The following NF1 variants were observed in gnomAD, a reference collection of about 807,000 sequenced individuals.
NF1 encodes neurofibromin 1.
NF1 carries 122 observed loss-of-function variants against 325.7 expected under a neutral mutation model. That is an observed-to-expected ratio of 0.37 (90% confidence interval 0.32 to 0.44). NF1 has a LOEUF of 0.44. Ranked by LOEUF, NF1 falls within the 20% of genes least tolerant of loss-of-function variation. The pLI, the probability that NF1 is intolerant of heterozygous loss-of-function variation, is 1.00. For synonymous variants in NF1, 1,091 were observed against 1,186.0 expected (o/e 0.92, Z 1.65); for missense variants, 2,140 against 3,415.4 (o/e 0.63, Z 9.31).
chr17:31,115,734 G>A (rs1353782171), intron 1 of NF1, among the ~76,000 whole-genome samples: 3 of 152,122 alleles, frequency 2.0e-5, no homozygotes, highest in African/African-American at 7.2e-5. Flanking sequence ...AAGTCTTGTT[G>A]AGTAGTATAC....
chr17:31,167,472 T>G (rs980477100), intron 4 of NF1, among the ~76,000 whole-genome samples: 2 of 152,254 alleles, frequency 1.3e-5, no homozygotes, highest in African/African-American at 4.8e-5. Context: ...ATAACTCCTT[T>G]GCAAATTGCA....
intron 14 of NF1, 131 bp from the exon 15 acceptor site, chr17:31,221,719 A>G (rs2144002149): frequency 2.9e-6 from 2 of 681,096 alleles, no homozygotes; most frequent in Non-Finnish European, 2.6e-6. Context: ...TTTACCTTTT[A>G]CTATATATTG....
intron 4 of NF1, among the ~76,000 whole-genome samples, chr17:31,168,643 G>T (rs529386770): frequency 6.6e-6 from 1 of 152,086 alleles, no homozygotes; most frequent in Middle Eastern, 3.2e-3. Flanking sequence ...ATTTGGCTGG[G>T]GGGGGACAAG....
intron 1 of NF1, among the ~76,000 whole-genome samples, chr17:31,135,007 C>T (rs759239787): frequency 6.6e-6 from 1 of 152,096 alleles, no homozygotes; most frequent in Non-Finnish European, 1.5e-5. Flanking sequence ...GCATACAGTC[C>T]ATTTTTATAA....
intron 8 of NF1, among the ~76,000 whole-genome samples, chr17:31,184,642 C>A (rs375110078): frequency 1.4e-5 from 2 of 138,506 alleles, no homozygotes; most frequent in Admixed American, 7.5e-5. Flanking sequence ...AGCGAGACTC[C>A]GTCTCAAAAA....
intron 36 of NF1, among the ~76,000 whole-genome samples, chr17:31,289,321 T>C (rs896160531): frequency 2.0e-5 from 3 of 152,198 alleles, no homozygotes; most frequent in African/African-American, 7.2e-5. Context: ...CAGTAAACCA[T>C]ATTAAGAGTT....
At chr17:31,110,208 A>G (rs1007887914) in intron 1 of NF1, among the ~76,000 whole-genome samples, 1 of 152,226 alleles carries the variant, frequency 6.6e-6, no homozygotes, top group Admixed American at 6.5e-5. Context: ...TATCACTGCA[A>G]CAAGTTAGAA....
chr17:31,324,214 G>A (rs1332658821), intron 36 of NF1, among the ~76,000 whole-genome samples: 3 of 151,958 alleles, frequency 2.0e-5, no homozygotes, highest in Admixed American at 2.0e-4. Context: ...CTACAGGCAC[G>A]TGCCACCACG....
Position 31,235,736 on chromosome 17 carries a change from C to G in NF1, c.3834C>G (p.Asn1278Lys), listed in dbSNP as rs1135402850. The G allele has an allele frequency of 6.2e-7, 1 of 1,614,114 alleles. No individual in the cohort carries two copies. Among genetic ancestry groups the G allele is most frequent in the Non-Finnish European group, 8.5e-7 (1 of 1,180,012 alleles). The change falls in exon 28 of 58, where the codon AAC becomes AAG. Residue 1278 changes from asparagine (N) to lysine (K), a missense_variant. Asn to Lys is a moderately conservative substitution (Grantham distance 94, BLOSUM62 0). Transcript: ENST00000358273. ...ADSMQTLFRG[N>K]SLASKIMTFC... is the part of the protein sequence containing the mutation. ...CCATGCAGACTCTCTTCCGAGGCAACAGCTTGGCCAGTAAAATAATGACAT... is the reference window on the plus strand; with the variant it reads ...CCATGCAGACTCTCTTCCGAGGCAAGAGCTTGGCCAGTAAAATAATGACAT...
At chr17:31,243,184 C>CTGTGTGTGTGTGTGTGTGTG (rs377472053) in intron 29 of NF1, among the ~76,000 whole-genome samples, 2,776 of 137,466 alleles carry the variant, frequency 0.02, 96 homozygotes, top group African/African-American at 0.048. Context: ...CTCTCTCTGT[C>CTGTGTGTGTGTGTGTGTGTG]TGTGTGTGTG....
At chr17:31,294,951 T>C (rs2068429255) in intron 36 of NF1, 3 of 1,611,830 alleles carry the variant, frequency 1.9e-6, no homozygotes, top group Non-Finnish European at 2.5e-6. Flanking sequence ...TATGGACATA[T>C]TTTCCCAACT....
intron 1 of NF1, among the ~76,000 whole-genome samples, chr17:31,096,645 G>A (rs1011540524): frequency 6.6e-6 from 1 of 152,140 alleles, no homozygotes; most frequent in African/African-American, 2.4e-5. Flanking sequence ...CTGAAGGGGT[G>A]GGGGAAGAGC....
chr17:31,240,989 T>G (rs1295120933), intron 29 of NF1, among the ~76,000 whole-genome samples: 2 of 152,154 alleles, frequency 1.3e-5, no homozygotes, highest in African/African-American at 4.8e-5. Flanking sequence ...GTGATTCTCC[T>G]GCCACAGCCT....
chr17:31,289,198 C>T (rs1414900586), intron 36 of NF1, among the ~76,000 whole-genome samples: 4 of 152,028 alleles, frequency 2.6e-5, no homozygotes, highest in South Asian at 2.1e-4. Flanking sequence ...CCTGGTGGCA[C>T]GAAGCATGGT....
chr17:31,325,184 C>G (rs1445793526), intron 36 of NF1, among the ~76,000 whole-genome samples: 2 of 152,194 alleles, frequency 1.3e-5, no homozygotes, highest in East Asian at 3.8e-4. Context: ...ATCTCATACA[C>G]AAATGATATG....
intron 45 of NF1, 109 bp downstream of exon 45, chr17:31,338,248 A>G (rs1400815925): frequency 1.2e-5 from 10 of 806,604 alleles, no homozygotes; most frequent in Non-Finnish European, 2.0e-5. Flanking sequence ...GAAATATCTT[A>G]TATGTTACTT....
At chr17:31,108,290 T>C (rs1046114375) in intron 1 of NF1, among the ~76,000 whole-genome samples, 13 of 69,160 alleles carry the variant, frequency 1.9e-4, no homozygotes, top group African/African-American at 3.9e-4. Context: ...TTTTTTTTTT[T>C]CTGAGACAGA....
chr17:31,202,392 C>T (rs1314280197), intron 11 of NF1, among the ~76,000 whole-genome samples: 1 of 152,184 alleles, frequency 6.6e-6, no homozygotes, highest in Non-Finnish European at 1.5e-5. Context: ...TAACCCTTCA[C>T]CTCATTTGCC....
At chr17:31,193,200 A>G (rs2066377559) in intron 8 of NF1, among the ~76,000 whole-genome samples, 1 of 152,226 alleles carries the variant, frequency 6.6e-6, no homozygotes, top group South Asian at 2.1e-4. Flanking sequence ...TTTCTAACTA[A>G]ATACTTAGTT....
Sources: allele counts gnomAD v4.1 joint callset (sites outside exome capture counted in the v4.1 genomes callset), GRCh38; gene constraint gnomAD v4.1.1; transcripts MANE v1.5; gene names NCBI Gene and HGNC (gene_info 2026-07-23, HGNC 2026-07-21).